Variants in EPB41L2 observed in about 807,000 individuals in gnomAD.
EPB41L2 encodes the protein erythrocyte membrane protein band 4.1 like 2.
Under a neutral mutation model 113.0 loss-of-function variants are expected in EPB41L2, and 43 were observed. That is an observed-to-expected ratio of 0.38 (90% CI 0.30 to 0.49). EPB41L2 has a LOEUF of 0.49. EPB41L2 is among the 20% of genes least tolerant of loss of function. EPB41L2 has a pLI of 0.95. For missense variants in EPB41L2, 1,147 were observed against 1,223.4 expected (o/e 0.94, Z 0.93); for synonymous variants, 442 against 436.7 (o/e 1.01, Z -0.15).
At chr6:131,016,814 A>G (rs1788337921) in intron 1 of EPB41L2, among the ~76,000 whole-genome samples, 2 of 150,086 alleles carry the variant, frequency 1.3e-5, no homozygotes, top group Admixed American at 6.6e-5. Flanking sequence ...TCTGTCTCTA[A>G]AAGAAAAAAA....
chr6:131,055,484 A>C (rs1251987126), intron 1 of EPB41L2, among the ~76,000 whole-genome samples: 1 of 152,226 alleles, frequency 6.6e-6, no homozygotes, highest in Non-Finnish European at 1.5e-5. Context: ...TCTGCTTCAT[A>C]ATCATACCTT....
At chr6:131,050,234 G>A (rs1796253804) in intron 1 of EPB41L2, among the ~76,000 whole-genome samples, 2 of 152,194 alleles carry the variant, frequency 1.3e-5, no homozygotes, top group South Asian at 2.1e-4. Flanking sequence ...AGCTACTCAG[G>A]AGGCTAAGGC....
At chr6:130,852,907 T>G (rs972243096) in intron 19 of EPB41L2, among the ~76,000 whole-genome samples, 2 of 152,170 alleles carry the variant, frequency 1.3e-5, no homozygotes, top group Admixed American at 6.5e-5. Context: ...CTTTACTCCT[T>G]CTTCACAGAG....
chr6:130,851,337 C>T (rs911232156), intron 19 of EPB41L2, among the ~76,000 whole-genome samples: 2 of 152,200 alleles, frequency 1.3e-5, no homozygotes, highest in Non-Finnish European at 2.9e-5. Context: ...TTTTGAAACC[C>T]TGCACATCAC....
intron 1 of EPB41L2, among the ~76,000 whole-genome samples, chr6:131,011,303 C>A (rs1327164128): frequency 2.0e-5 from 3 of 152,210 alleles, no homozygotes; most frequent in African/African-American, 7.2e-5. Flanking sequence ...TTCCCAAGTA[C>A]CTGCAAAGGC....
intron 18 of EPB41L2, among the ~76,000 whole-genome samples, chr6:130,860,410 T>C (rs567370453): frequency 1.8e-3 from 275 of 152,386 alleles, no homozygotes; most frequent in Non-Finnish European, 3.5e-3. Context: ...ATCAGTTTGT[T>C]AAAACTCCTT....
chr6:131,026,965 A>G (rs1249229630), intron 1 of EPB41L2, among the ~76,000 whole-genome samples: 1 of 152,128 alleles, frequency 6.6e-6, no homozygotes, highest in African/African-American at 2.4e-5. Flanking sequence ...CATGTAATAC[A>G]TGTTACTGGT....
intron 1 of EPB41L2, among the ~76,000 whole-genome samples, chr6:131,012,224 T>C (rs1171871847): frequency 6.6e-6 from 1 of 151,342 alleles, no homozygotes; most frequent in Non-Finnish European, 1.5e-5. Context: ...GGAGCTTCCC[T>C]AGTTACTACT....
intron 1 of EPB41L2, among the ~76,000 whole-genome samples, chr6:131,016,105 T>A (rs946378526): frequency 2.0e-5 from 3 of 152,088 alleles, no homozygotes; most frequent in African/African-American, 7.2e-5. Context: ...CAATTCCCAG[T>A]AGCTTGTGGC....
chr6:130,991,100 A>T (rs924732569), intron 1 of EPB41L2, among the ~76,000 whole-genome samples: 3 of 152,172 alleles, frequency 2.0e-5, no homozygotes, highest in Non-Finnish European at 4.4e-5. Context: ...AAGTGCTAAG[A>T]TTACAGGCAT....
intron 15 of EPB41L2, chr6:130,867,994 T>G (rs2128444487): frequency 5.7e-6 from 1 of 174,236 alleles, no homozygotes; most frequent in South Asian, 1.2e-4. Context: ...TCTCTCTCTC[T>G]CTCTCCTCCT....
intron 3 of EPB41L2, among the ~76,000 whole-genome samples, chr6:130,948,993 T>C (rs984061730): frequency 6.6e-6 from 1 of 152,152 alleles, no homozygotes; most frequent in African/African-American, 2.4e-5. Flanking sequence ...AAACAATTAA[T>C]AGAGATAGAT....
In EPB41L2 at chr6:130,865,510, C is replaced by T. The variant is rs778336536; in HGVS notation, c.2829+26G>A. 2.6e-5 allele frequency: 42 copies of T among 1,602,668 alleles called. No individual in the cohort carries two copies. The African/African-American group carries it at 5.5e-4, about 21-fold the overall frequency. On this transcript the variant is annotated intron_variant, in intron 17 of 19. Coordinates refer to ENST00000337057, the MANE Select transcript of EPB41L2 (RefSeq NM_001431.4). The stretch of plus-strand genomic sequence containing the variant: ...TTCTGTCTGTAATGTACCATCCTCT[C>T]CATATGATCCCCTGCATTGCTTTAC...
At chr6:130,929,415 T>A (rs974233134) in intron 3 of EPB41L2, among the ~76,000 whole-genome samples, 1 of 152,180 alleles carries the variant, frequency 6.6e-6, no homozygotes, top group Admixed American at 6.5e-5. Flanking sequence ...CAAAAGATAC[T>A]GGAGGATACA....
intron 5 of EPB41L2, among the ~76,000 whole-genome samples, chr6:130,905,848 A>C (rs1383301915): frequency 6.6e-6 from 1 of 152,174 alleles, no homozygotes; most frequent in Non-Finnish European, 1.5e-5. Flanking sequence ...CCATCAGCAC[A>C]CTACCTTTTC....
intron 1 of EPB41L2, among the ~76,000 whole-genome samples, chr6:130,975,023 C>T (rs1204016954): frequency 6.6e-6 from 1 of 151,918 alleles, no homozygotes; most frequent in Non-Finnish European, 1.5e-5. Flanking sequence ...TCAAGTGAAC[C>T]CAGAGAGGTG....
At chr6:131,033,186 AT>A (rs1453535740) in intron 1 of EPB41L2, among the ~76,000 whole-genome samples, 3 of 152,032 alleles carry the variant, frequency 2.0e-5, no homozygotes, top group Non-Finnish European at 4.4e-5. Context: ...GATGGCTATG[AT>A]TTAAAAAAGA....
At chr6:131,021,616 G>A (rs764150991) in intron 1 of EPB41L2, among the ~76,000 whole-genome samples, 25 of 151,814 alleles carry the variant, frequency 1.6e-4, no homozygotes, top group Non-Finnish European at 2.4e-4. Flanking sequence ...AGCCAAGATC[G>A]CACCATTGCA....
rs140419333 is a variant in EPB41L2, at chr6:130,878,160, G to A, written c.1987C>T (p.Arg663Cys). The A allele has an allele frequency of 1.2e-5, 20 of 1,613,336 alleles. No homozygotes were observed. The highest frequency in any genetic ancestry group is 2.2e-5 in the South Asian group (2 of 90,956). The stretch of plus-strand genomic sequence containing the variant: ...CGTCGTTTTTCCCATTCATTAGGGC[G>A]CGGCTCAGGTGTGGATTCCATAAAA... ...RNFMESTPEP[R>C]PNEWEKRRIT... Residue 663 changes from arginine to cysteine, a missense_variant, in exon 14 of 20, where the codon CGC becomes TGC. Coordinates refer to ENST00000337057, the MANE Select transcript of EPB41L2 (RefSeq NM_001431.4).
Sources: allele counts gnomAD v4.1 joint callset (sites outside exome capture counted in the v4.1 genomes callset), GRCh38; gene constraint gnomAD v4.1.1; transcripts MANE v1.5; gene names NCBI Gene and HGNC (gene_info 2026-07-23, HGNC 2026-07-21).